PLD1: variants seen among roughly 807,000 people sequenced by gnomAD.
The protein encoded by PLD1 is phospholipase D1.
Under a neutral mutation model 137.1 loss-of-function variants are expected in PLD1, and 112 were observed. The ratio of observed to expected loss-of-function variants is 0.82; its 90% CI spans 0.70 to 0.96. The LOEUF (loss-of-function observed/expected upper bound fraction) is 0.96. Ranked by LOEUF, PLD1 falls within the 40% of genes least tolerant of loss-of-function variation. The probability of loss-of-function intolerance (pLI) is 0.00; values close to 1 mark genes in which losing one functional copy is unlikely to be tolerated. For synonymous variants in PLD1, 431 were observed against 454.7 expected (o/e 0.95, Z 0.66); for missense variants, 1,321 against 1,342.0 (o/e 0.98, Z 0.24).
At chr3:171,646,070 G>A (rs1194383191) in intron 21 of PLD1, among the ~76,000 whole-genome samples, 2 of 151,912 alleles carry the variant, frequency 1.3e-5, no homozygotes, top group Non-Finnish European at 2.9e-5. Context: ...TCTTTGACGG[G>A]CATTCAGAAA....
chr3:171,759,520 G>A (rs550956251), intron 1 of PLD1, among the ~76,000 whole-genome samples: 1 of 152,226 alleles, frequency 6.6e-6, no homozygotes, highest in East Asian at 1.9e-4. Context: ...TAACTTGATG[G>A]TTAGCGGGTA....
At chr3:171,763,859 G>C (rs1284343036) in intron 1 of PLD1, among the ~76,000 whole-genome samples, 1 of 111,368 alleles carries the variant, frequency 9.0e-6, no homozygotes, top group African/African-American at 3.5e-5. Context: ...TTTTGAGATA[G>C]AGTCTTGCTC....
In PLD1 at chr3:171,759,916, T is replaced by C. The variant is rs564264846; in HGVS notation, c.-31-21834A>G. On this transcript the variant is annotated intron_variant, in intron 1 of 26. Coordinates refer to ENST00000351298, the MANE Select transcript of PLD1 (RefSeq NM_002662.5). ...AGTCTTACTGTCCTTTCGGTTATTGTCATTTCTCTTGCTTCCCCAAGGGCA... is the reference window on the plus strand; with the variant it reads ...AGTCTTACTGTCCTTTCGGTTATTGCCATTTCTCTTGCTTCCCCAAGGGCA... Among the ~76,000 whole-genome samples the C allele has an allele frequency of 3.0e-4, 46 of 152,352 alleles. 1 individual carries two copies. In the South Asian group the frequency reaches 9.5e-3, roughly 32 times the overall value.
chr3:171,773,796 G>T (rs1316588148), intron 1 of PLD1, among the ~76,000 whole-genome samples: 3 of 151,854 alleles, frequency 2.0e-5, no homozygotes, highest in South Asian at 2.1e-4. Flanking sequence ...TCACCCAGGC[G>T]GGACTGCAGT....
chr3:171,754,974 C>A (rs1214660093), intron 1 of PLD1, among the ~76,000 whole-genome samples: 1 of 152,176 alleles, frequency 6.6e-6, no homozygotes, highest in Non-Finnish European at 1.5e-5. Flanking sequence ...CCAGCTCCTT[C>A]TAGACCTCAC....
intron 1 of PLD1, among the ~76,000 whole-genome samples, chr3:171,751,753 C>A (rs1720677695): frequency 6.6e-6 from 1 of 152,188 alleles, no homozygotes; most frequent in Non-Finnish European, 1.5e-5. Flanking sequence ...GTAATCCCAG[C>A]ACTTTGGAAA....
At chr3:171,776,779 A>G (rs552738995) in intron 1 of PLD1, among the ~76,000 whole-genome samples, 1 of 152,188 alleles carries the variant, frequency 6.6e-6, no homozygotes, top group East Asian at 1.9e-4. Flanking sequence ...ATTACTACAA[A>G]TTGCTCTGAA....
At chr3:171,604,312 T>C (rs1446607351) in intron 26 of PLD1, among the ~76,000 whole-genome samples, 1 of 138,886 alleles carries the variant, frequency 7.2e-6, no homozygotes, top group African/African-American at 2.9e-5. Flanking sequence ...AGACTCCATG[T>C]CAATTAAAAA....
intron 24 of PLD1, among the ~76,000 whole-genome samples, chr3:171,617,282 T>C (rs1302842392): frequency 6.6e-6 from 1 of 152,228 alleles, no homozygotes; most frequent in Non-Finnish European, 1.5e-5. Flanking sequence ...CTCCAGCCTC[T>C]CATCTGCCAC....
intron 19 of PLD1, among the ~76,000 whole-genome samples, chr3:171,665,696 G>A (rs868868589): frequency 6.0e-5 from 9 of 148,916 alleles, no homozygotes; most frequent in East Asian, 3.9e-4. Context: ...GTGAAACTGC[G>A]TCTCAAAAGA....
At chr3:171,655,772 C>T (rs1035592724) in intron 21 of PLD1, among the ~76,000 whole-genome samples, 4 of 152,084 alleles carry the variant, frequency 2.6e-5, no homozygotes, top group African/African-American at 4.8e-5. Context: ...AATGCAGAGA[C>T]GCCAGGGGTG....
intron 11 of PLD1, among the ~76,000 whole-genome samples, chr3:171,704,588 G>C (rs561130929): frequency 6.6e-6 from 1 of 151,600 alleles, no homozygotes; most frequent in South Asian, 2.1e-4. Context: ...CTCTAATAAG[G>C]GTGAACACTC....
chr3:171,722,513 T>A (rs1036585195), intron 8 of PLD1, among the ~76,000 whole-genome samples: 3 of 152,196 alleles, frequency 2.0e-5, no homozygotes, highest in African/African-American at 7.2e-5. Context: ...ACCCTTTATC[T>A]ACTTCCGTCT....
rs1196864156 is a variant in PLD1 at position 171,810,405 on chromosome 3, G to A, written c.-38C>T. 6.6e-6 allele frequency: 1 copy of A among 152,306 alleles called. No homozygotes were observed. Among genetic ancestry groups the A allele is most frequent in the Admixed American group, 6.5e-5 (1 of 15,290 alleles). 9.4% of individuals were successfully genotyped at this position (152,306 alleles called of 1,614,324 possible). On this transcript the variant is annotated 5_prime_UTR_variant, in exon 1 of 27. Coordinates refer to ENST00000351298, the MANE Select transcript of PLD1 (RefSeq NM_002662.5). ...GTCTCGGCGCGGCTCCTACCTGCAG[G>A]GCGAAGGGGCCGCTAGCACCTGCGC...
intron 25 of PLD1, among the ~76,000 whole-genome samples, chr3:171,610,856 GT>G (rs1265757711): frequency 2.0e-5 from 3 of 149,556 alleles, no homozygotes; most frequent in African/African-American, 7.7e-5. Flanking sequence ...AATAAAAGTT[GT>G]TAGAAGGTAT....
chr3:171,798,347 G>A (rs531731467), intron 1 of PLD1, among the ~76,000 whole-genome samples: 1 of 152,294 alleles, frequency 6.6e-6, no homozygotes, highest in East Asian at 1.9e-4. Flanking sequence ...CCTACTCATC[G>A]AACATATGAC....
intron 1 of PLD1, among the ~76,000 whole-genome samples, chr3:171,766,640 G>A (rs759213560): frequency 6.6e-6 from 1 of 151,900 alleles, no homozygotes; most frequent in Non-Finnish European, 1.5e-5. Context: ...TTTATTATTT[G>A]CAACTTTTCA....
At chr3:171,763,505 G>A (rs1721577457) in intron 1 of PLD1, among the ~76,000 whole-genome samples, 1 of 20,798 alleles carries the variant, frequency 4.8e-5, no homozygotes, top group Non-Finnish European at 9.2e-5. Flanking sequence ...GAGGGGGGAG[G>A]GGAGGAGGGG....
At chr3:171,686,032 G>A (rs1355981615) in intron 16 of PLD1, among the ~76,000 whole-genome samples, 3 of 151,130 alleles carry the variant, frequency 2.0e-5, no homozygotes, top group African/African-American at 4.9e-5. Flanking sequence ...GCTGAGGCAG[G>A]AGAATCGCTA....
Sources: allele counts gnomAD v4.1 joint callset (sites outside exome capture counted in the v4.1 genomes callset), GRCh38; gene constraint gnomAD v4.1.1; transcripts MANE v1.5; gene names NCBI Gene and HGNC (gene_info 2026-07-23, HGNC 2026-07-21).